ACVR1C: variants seen among roughly 807,000 people sequenced by gnomAD.
ACVR1C encodes the protein activin A receptor type 1C, also known as activin receptor type-1C.
ACVR1C carries 23 observed loss-of-function variants against 57.9 expected under a neutral mutation model. The ratio of observed to expected loss-of-function variants is 0.40; its 90% CI spans 0.29 to 0.56. The LOEUF (loss-of-function observed/expected upper bound fraction) is 0.56, where lower values mean the gene tolerates loss of function less well. ACVR1C is among the 20% of genes least tolerant of loss of function. The pLI, the probability that ACVR1C is intolerant of heterozygous loss-of-function variation, is 0.50. For synonymous variants in ACVR1C, 214 were observed against 215.3 expected (o/e 0.99, Z 0.05); for missense variants, 480 against 607.9 (o/e 0.79, Z 2.21).
At chr2:157,587,844 TTC>T (rs1688964409) in intron 1 of ACVR1C, among the ~76,000 whole-genome samples, 2 of 152,086 alleles carry the variant, frequency 1.3e-5, no homozygotes, top group Admixed American at 1.3e-4. Flanking sequence ...ATTCAGTGTG[TTC>T]TGTTCATTTG....
intron 3 of ACVR1C, among the ~76,000 whole-genome samples, chr2:157,554,487 T>G (rs1688041801): frequency 6.6e-6 from 1 of 152,086 alleles, no homozygotes; most frequent in South Asian, 2.1e-4. Flanking sequence ...AAATTCTGGT[T>G]TTTAAAACTT....
intron 6 of ACVR1C, 37 bp downstream of exon 6, chr2:157,542,669 T>G: frequency 1.9e-6 from 3 of 1,595,204 alleles, no homozygotes; most frequent in Non-Finnish European, 2.6e-6. Context: ...TTGGGCACTC[T>G]CACATCTTAC....
Position 157,532,279 on chromosome 2 carries a change from T to G in ACVR1C, c.*1639A>C, listed in dbSNP as rs1180687269. 1.3e-5 allele frequency: 2 copies of G among 151,810 alleles called. No homozygotes were observed. The allele number at this position is 151,810 out of a possible 1,614,324, so 9.4% of individuals were successfully genotyped here. ...GTTAAATATGGGATAGTAAAAAGTT[T>G]CCCCTCCTCTTAATAAAAGGGTTCC... On this transcript the variant is annotated 3_prime_UTR_variant, in exon 9 of 9. Transcript: ENST00000243349.
At chr2:157,585,897 C>T (rs1303850347) in intron 2 of ACVR1C, among the ~76,000 whole-genome samples, 1 of 152,110 alleles carries the variant, frequency 6.6e-6, no homozygotes, top group East Asian at 1.9e-4. Flanking sequence ...TTGCAATATA[C>T]ATGATAATGC....
chr2:157,594,103 G>A (rs1441664295), intron 1 of ACVR1C, among the ~76,000 whole-genome samples: 3 of 152,172 alleles, frequency 2.0e-5, no homozygotes, highest in Non-Finnish European at 4.4e-5. Flanking sequence ...ACTTCCAGCT[G>A]TAGGGCTCAA....
intron 8 of ACVR1C, 66 bp from the exon 9 acceptor site, chr2:157,534,109 T>G (rs1687424717): frequency 7.6e-7 from 1 of 1,315,650 alleles, no homozygotes; most frequent in Non-Finnish European, 9.9e-7. Flanking sequence ...ACAAAAGAAG[T>G]AAAGCCATAA....
intron 1 of ACVR1C, among the ~76,000 whole-genome samples, chr2:157,617,971 G>A (rs1359479404): frequency 1.3e-5 from 2 of 151,810 alleles, no homozygotes; most frequent in Non-Finnish European, 3.0e-5. Context: ...GTTGCTATCA[G>A]AACTGAACTA....
intron 1 of ACVR1C, among the ~76,000 whole-genome samples, chr2:157,599,258 C>A (rs1255572612): frequency 2.3e-5 from 3 of 131,888 alleles, no homozygotes; most frequent in Non-Finnish European, 3.1e-5. Flanking sequence ...GGCGTGAACC[C>A]GAGAGGGGGA....
chr2:157,609,026 G>A (rs1682469978), intron 1 of ACVR1C, among the ~76,000 whole-genome samples: 1 of 151,352 alleles, frequency 6.6e-6, no homozygotes, highest in African/African-American at 2.4e-5. Flanking sequence ...TTTGGGGTTT[G>A]GTTTGCTCTT....
At chr2:157,620,519 T>C (rs1001587655) in intron 1 of ACVR1C, among the ~76,000 whole-genome samples, 3 of 152,174 alleles carry the variant, frequency 2.0e-5, no homozygotes, top group Non-Finnish European at 4.4e-5. Context: ...AATCTGGTTT[T>C]TTTAAGCTGT....
intron 1 of ACVR1C, among the ~76,000 whole-genome samples, chr2:157,605,331 C>CT (rs990293318): frequency 5.9e-5 from 9 of 151,684 alleles, no homozygotes; most frequent in African/African-American, 2.2e-4. Context: ...AGCATTCCAA[C>CT]TTTGTTCTTG....
chr2:157,544,513 A>G lies in ACVR1C; in HGVS notation c.875T>C (p.Met292Thr). 1 of 1,614,116 alleles carries G rather than the reference A, an allele frequency of 6.2e-7. No individual in the cohort carries two copies. The highest frequency in any genetic ancestry group is 8.5e-7 in the Non-Finnish European group (1 of 1,179,994). ...AGCAATTGAGAGCGCCAGCTTGATC[A>G]TTCCAGCCACGGTCACTATATTTCT... ...LNRNIVTVAG[M>T]IKLALSIASG... Residue 292 changes from methionine (M) to threonine (T), a missense_variant, in exon 5 of 9, where the codon ATG becomes ACG. Transcript: ENST00000243349.
At chr2:157,535,434 A>G (rs185140017) in intron 8 of ACVR1C, among the ~76,000 whole-genome samples, 1 of 152,316 alleles carries the variant, frequency 6.6e-6, no homozygotes, top group East Asian at 1.9e-4. Context: ...ATAAGTATAT[A>G]AAATATATTT....
At chr2:157,564,565 G>C (rs950691741) in intron 2 of ACVR1C, among the ~76,000 whole-genome samples, 3 of 152,142 alleles carry the variant, frequency 2.0e-5, no homozygotes, top group African/African-American at 7.2e-5. Flanking sequence ...CAAGGATCTA[G>C]AACCAGGAAT....
chr2:157,551,234 G>A (rs1462874113), intron 3 of ACVR1C, among the ~76,000 whole-genome samples: 1 of 152,098 alleles, frequency 6.6e-6, no homozygotes, highest in Admixed American at 6.6e-5. Flanking sequence ...ACCTGTCTGC[G>A]CTTCAGCTTC....
chr2:157,607,399 G>C (rs1682426665), intron 1 of ACVR1C, among the ~76,000 whole-genome samples: 1 of 151,190 alleles, frequency 6.6e-6, no homozygotes, highest in Non-Finnish European at 1.5e-5. Context: ...AGTCAGTTAG[G>C]ATAATGTCTC....
intron 2 of ACVR1C, among the ~76,000 whole-genome samples, chr2:157,562,331 A>G (rs1393796007): frequency 6.8e-6 from 1 of 146,606 alleles, no homozygotes; most frequent in Admixed American, 6.8e-5. Flanking sequence ...AAATATATAC[A>G]TATATTATAT....
chr2:157,540,421 C>T (rs551630047), intron 7 of ACVR1C, among the ~76,000 whole-genome samples: 19 of 151,444 alleles, frequency 1.3e-4, no homozygotes, highest in African/African-American at 2.4e-4. Context: ...AGTGCAATGG[C>T]GCAATCTCAG....
intron 1 of ACVR1C, among the ~76,000 whole-genome samples, chr2:157,609,890 A>C (rs900287754): frequency 9.9e-5 from 15 of 151,958 alleles, no homozygotes; most frequent in Non-Finnish European, 2.9e-5. Flanking sequence ...GTATAGTTGG[A>C]TAATTTTTTG....
Sources: allele counts gnomAD v4.1 joint callset (sites outside exome capture counted in the v4.1 genomes callset), GRCh38; gene constraint gnomAD v4.1.1; transcripts MANE v1.5; gene names NCBI Gene and HGNC (gene_info 2026-07-23, HGNC 2026-07-21).